PTGR1: variants seen among roughly 807,000 people sequenced by gnomAD.
The protein encoded by PTGR1 is 15-oxoprostaglandin 13-reductase.
Under a neutral mutation model 37.7 loss-of-function variants are expected in PTGR1, and 23 were observed. The observed-to-expected ratio is 0.61, with a 90% CI of 0.44 to 0.86. PTGR1 has a LOEUF of 0.86. PTGR1 is among the 40% of genes least tolerant of loss of function. The pLI is 0.00. For synonymous variants in PTGR1, 134 were observed against 140.0 expected (o/e 0.96, Z 0.30); for missense variants, 351 against 394.3 (o/e 0.89, Z 0.93).
rs74308678 is a variant in PTGR1, at chr9:111,562,842, T to C, written c.*279A>G. ...CAGCTCCCACTTATGAATGAAAACATACAGTGTTTGGAAAATTTTCACACT... is the reference window on the plus strand; with the variant it reads ...CAGCTCCCACTTATGAATGAAAACACACAGTGTTTGGAAAATTTTCACACT... On this transcript the variant is annotated 3_prime_UTR_variant, in exon 10 of 10. Transcript: ENST00000407693. 3.2e-3 allele frequency: 2,483 copies of C among 774,896 alleles called. 119 individuals carry two copies. In the East Asian group the frequency reaches 0.1, roughly 32 times the overall value. The allele number at this position is 774,896 out of a possible 1,614,324, so 48.0% of individuals were successfully genotyped here.
chr9:111,551,298 C>T (rs965646308), intron 9 of PTGR1, among the ~76,000 whole-genome samples: 6 of 151,038 alleles, frequency 4.0e-5, no homozygotes, highest in Non-Finnish European at 2.9e-5. Context: ...ATTTATAAAA[C>T]GTAGAGTTGA....
chr9:111,582,709 A>G lies in PTGR1; in HGVS notation c.495+763T>C, dbSNP rs112310516. 4.6e-5 allele frequency among the ~76,000 whole-genome samples: 7 copies of G among 152,310 alleles called. 1 individual carries two copies. Among genetic ancestry groups the G allele is most frequent in the African/African-American group, 1.2e-4 (5 of 41,564 alleles). ...TTAAACAAATTATTCTACAACTTCT[A>G]TGGTAGCCTCACATTTGTATTCCAA... On this transcript the variant is annotated intron_variant, in intron 6 of 9. Transcript: ENST00000407693.
chr9:111,574,747 G>C lies in PTGR1; in HGVS notation c.747C>G (p.Gly249=). 2 of 1,612,412 alleles carry C rather than the reference G, an allele frequency of 1.2e-6. No homozygotes were observed. Among genetic ancestry groups the C allele is most frequent in the South Asian group, 2.2e-5 (2 of 90,816 alleles). ...TGTGCTCATTACCTGGGGGAAGTGG[G>C]CCGGTTCTGTTATATGTAGAGATGG... is the stretch of plus-strand genomic sequence containing the variant. ...CGAISTYNRT[G]PLPPGPPPEI... The change falls in exon 8 of 10, where the codon GGC becomes GGG. Residue 249 remains glycine (G), a synonymous_variant. Transcript: ENST00000407693.
At chr9:111,594,813 G>C in intron 2 of PTGR1, among the ~76,000 whole-genome samples, 1 of 147,470 alleles carries the variant, frequency 6.8e-6, no homozygotes, top group Non-Finnish European at 1.5e-5. Context: ...GCATCCTAAA[G>C]TGCTGGGATT....
At chr9:111,578,725 A>G in intron 7 of PTGR1, 71 bp downstream of exon 7, 2 of 1,382,298 alleles carry the variant, frequency 1.4e-6, no homozygotes, top group Non-Finnish European at 2.0e-6. Flanking sequence ...TCCATGGCCC[A>G]GGGGTAGGAG....
chr9:111,569,701 G>A (rs573292233), intron 9 of PTGR1, among the ~76,000 whole-genome samples: 1 of 152,330 alleles, frequency 6.6e-6, no homozygotes, highest in South Asian at 2.1e-4. Flanking sequence ...GGAGGCGGAG[G>A]TTGCCGTGAG....
intron 1 of PTGR1, among the ~76,000 whole-genome samples, chr9:111,597,994 GT>G (rs34861111): frequency 0.076 from 11,189 of 146,562 alleles, 562 homozygotes; most frequent in East Asian, 0.23. Context: ...TTTCAGGTGC[GT>G]TTTTTTTTTT....
intron 9 of PTGR1, 90 bp from the exon 10 acceptor site, chr9:111,563,321 A>G: frequency 7.8e-7 from 1 of 1,277,248 alleles, no homozygotes; most frequent in East Asian, 2.5e-5. Context: ...TATCAGGTAC[A>G]TCATTGGAAA....
chr9:111,566,976 C>A (rs10980949), intron 9 of PTGR1, among the ~76,000 whole-genome samples: 2,732 of 151,980 alleles, frequency 0.018, 26 homozygotes, highest in Non-Finnish European at 0.027. Context: ...GTTGTCCCAG[C>A]TACTCAGGAG....
intron 9 of PTGR1, among the ~76,000 whole-genome samples, chr9:111,568,247 TTAATAATTAATA>T (rs2132338575): frequency 6.6e-6 from 1 of 152,252 alleles, no homozygotes; most frequent in African/African-American, 2.4e-5. Context: ...GCAAGGAATA[TTAATAATTAATA>T]TCCTGGGGAA....
downstream of PTGR1, among the ~76,000 whole-genome samples, chr9:111,562,316 C>T (rs77972542): frequency 0.027 from 4,067 of 149,264 alleles, 95 homozygotes; most frequent in East Asian, 0.13. Context: ...CGCTCTGTCA[C>T]CCAGGCTGGA....
rs1346238062 is a variant in PTGR1, at chr9:111,592,945, T to A, written c.190A>T (p.Met64Leu). The change falls in exon 4 of 10, where the codon ATG becomes TTG. Residue 64 changes from methionine to leucine, a missense_variant. Coordinates refer to ENST00000407693, the MANE Select transcript of PTGR1 (RefSeq NM_001146108.2). The part of the protein sequence containing the change: ...AKRLKEGDTM[M>L]GQQVAKVVES... The stretch of plus-strand genomic sequence containing the variant: ...AATTACTTGGCCACTTGCTGCCCCA[T>A]CATTGTATCACCTTCCTTCAATCTT... 1 of 1,380,068 alleles carries A rather than the reference T, an allele frequency of 7.2e-7. No individual in the cohort carries two copies. The highest frequency in any genetic ancestry group is 4.3e-5 in the East Asian group (1 of 23,278). 85.5% of individuals were successfully genotyped at this position (1,380,068 alleles called of 1,614,324 possible). A position where few individuals can be genotyped will look rare whatever the true frequency, so the allele number is the denominator to read the frequency against.
rs201682538 is a variant in PTGR1, at chr9:111,574,697, C to T, written c.760+37G>A. 3.4e-6 allele frequency: 5 copies of T among 1,474,574 alleles called. No individual in the cohort carries two copies. The African/African-American group carries it at 7.0e-5, about 21-fold the overall frequency. The allele number at this position is 1,474,574 out of a possible 1,614,324, so 91.3% of individuals were successfully genotyped here. A position where few individuals can be genotyped will look rare whatever the true frequency, so the allele number is the denominator to read the frequency against. Reference sequence around the variant, plus strand: ...TCTGTGAATTTTCTCCTTGTCCAGCCTTGTGACATATGGGATCGTGTGCAT... The same window carrying T: ...TCTGTGAATTTTCTCCTTGTCCAGCTTTGTGACATATGGGATCGTGTGCAT... On this transcript the variant is annotated intron_variant, in intron 8 of 9. Transcript: ENST00000407693.
chr9:111,587,035 G>A (rs918363144), intron 4 of PTGR1, among the ~76,000 whole-genome samples: 4 of 151,864 alleles, frequency 2.6e-5, no homozygotes, highest in African/African-American at 4.8e-5. Context: ...GGCTGATCTC[G>A]AACTCCTGAC....
chr9:111,590,299 C>T (rs536336698), intron 4 of PTGR1, among the ~76,000 whole-genome samples: 7 of 151,856 alleles, frequency 4.6e-5, no homozygotes, highest in Non-Finnish European at 8.8e-5. Context: ...CTCAGGTTGC[C>T]GAGACTGATG....
chr9:111,557,231 G>A (rs140991148), intron 9 of PTGR1, among the ~76,000 whole-genome samples: 6 of 151,888 alleles, frequency 4.0e-5, no homozygotes, highest in East Asian at 2.0e-4. Context: ...AAAATTAGCC[G>A]GGCATCATGG....
chr9:111,569,746 C>G (rs1828727437), intron 9 of PTGR1, among the ~76,000 whole-genome samples: 1 of 152,138 alleles, frequency 6.6e-6, no homozygotes, highest in African/African-American at 2.4e-5. Flanking sequence ...GCCTGAGCAA[C>G]AGAGTGAGAC....
At chr9:111,585,334 C>CA in intron 5 of PTGR1, among the ~76,000 whole-genome samples, 1 of 152,316 alleles carries the variant, frequency 6.6e-6, no homozygotes, top group African/African-American at 2.4e-5. Flanking sequence ...TGTCTACCTT[C>CA]ACCTCTCCTA....
intron 5 of PTGR1, among the ~76,000 whole-genome samples, chr9:111,583,869 G>A (rs1829353472): frequency 6.6e-6 from 1 of 152,192 alleles, no homozygotes; most frequent in South Asian, 2.1e-4. Flanking sequence ...GCAAAAGATG[G>A]AATATCTTTC....
Sources: allele counts gnomAD v4.1 joint callset (sites outside exome capture counted in the v4.1 genomes callset), GRCh38; gene constraint gnomAD v4.1.1; transcripts MANE v1.5; gene names NCBI Gene and HGNC (gene_info 2026-07-23, HGNC 2026-07-21).